The following NF2 variants were observed in gnomAD, a reference collection of about 807,000 sequenced individuals.
The protein encoded by NF2 is merlin.
Under a neutral mutation model 83.7 loss-of-function variants are expected in NF2, and 8 were observed. The ratio of observed to expected loss-of-function variants is 0.10; its 90% confidence interval spans 0.06 to 0.17. The LOEUF (loss-of-function observed/expected upper bound fraction) is 0.17, where lower values mean the gene tolerates loss of function less well. Ranked by LOEUF, NF2 falls within the 10% of genes least tolerant of loss-of-function variation. NF2 has a pLI of 1.00. For synonymous variants in NF2, 266 were observed against 269.6 expected (o/e 0.99, Z 0.13); for missense variants, 533 against 744.4 (o/e 0.72, Z 3.31).
intron 3 of NF2, among the ~76,000 whole-genome samples, chr22:29,641,459 A>G (rs2065808668): frequency 6.6e-6 from 1 of 152,132 alleles, no homozygotes; most frequent in Admixed American, 6.6e-5. Context: ...TGACTGAGCA[A>G]GGCAAAATTT....
rs759780271 is a variant in NF2, at chr22:29,681,535, T to C, written c.1671T>C (p.Ala557=). ...EALKLKERET[A]LDILHNENSD... is the part of the protein sequence containing the mutation. ...TGAAACTGAAAGAGAGGGAGACAGC[T>C]CTGGATATTCTGCACAATGAGAACT... The change falls in exon 15 of 16, where the codon GCT becomes GCC. Residue 557 remains alanine, a synonymous_variant. Coordinates refer to ENST00000338641, the MANE Select transcript of NF2 (RefSeq NM_000268.4). 2.5e-6 allele frequency: 4 copies of C among 1,614,190 alleles called. No individual in the cohort carries two copies. The South Asian group carries it at 3.3e-5, about 13-fold the overall frequency.
intron 15 of NF2, chr22:29,683,144 T>A (rs1235193379): frequency 6.8e-6 from 11 of 1,613,904 alleles, no homozygotes; most frequent in Non-Finnish European, 8.5e-6. Flanking sequence ...CTTGCCTGTC[T>A]CTGTCCTCGG....
At chr22:29,643,444 G>C (rs1025297920) in intron 4 of NF2, among the ~76,000 whole-genome samples, 1 of 152,140 alleles carries the variant, frequency 6.6e-6, no homozygotes, top group Non-Finnish European at 1.5e-5. Context: ...GCGGACTTCC[G>C]CAGCGTTTGT....
At chr22:29,643,909 C>T (rs1214601758) in intron 4 of NF2, among the ~76,000 whole-genome samples, 6 of 149,590 alleles carry the variant, frequency 4.0e-5, no homozygotes, top group South Asian at 4.2e-4. Context: ...GGCGGCTGGC[C>T]GGGCGGGGGG....
chr22:29,652,538 G>A (rs2146956812), intron 4 of NF2, among the ~76,000 whole-genome samples: 1 of 152,220 alleles, frequency 6.6e-6, no homozygotes, highest in East Asian at 1.9e-4. Context: ...TCAACTTCAG[G>A]TGATCTGCCC....
intron 3 of NF2, among the ~76,000 whole-genome samples, chr22:29,639,658 G>A (rs1223531545): frequency 1.3e-5 from 2 of 152,042 alleles, no homozygotes; most frequent in Admixed American, 1.3e-4. Flanking sequence ...GCCGAGGCGG[G>A]CAGATCACAA....
intron 1 of NF2, among the ~76,000 whole-genome samples, chr22:29,604,559 A>G (rs1194217664): frequency 6.6e-6 from 1 of 152,230 alleles, no homozygotes; most frequent in Non-Finnish European, 1.5e-5. Flanking sequence ...TCTCATACTT[A>G]CTTTCCACAT....
chr22:29,663,773 C>T (rs943433844), intron 8 of NF2, among the ~76,000 whole-genome samples: 12 of 152,230 alleles, frequency 7.9e-5, no homozygotes, highest in African/African-American at 2.9e-4. Context: ...ACATATTTAT[C>T]TGCTTAGCAA....
In NF2 at chr22:29,697,240, G is replaced by A. The variant is rs1020598735; in HGVS notation, c.*2438G>A. On this transcript the variant is annotated 3_prime_UTR_variant, in exon 16 of 16. Transcript: ENST00000338641. Reference sequence around the variant, plus strand: ...TATGGTGGTTTATAAAAACGCTGTCGGGCTTTGTTTCCTTCTTTAGCTGCC... The same window carrying A: ...TATGGTGGTTTATAAAAACGCTGTCAGGCTTTGTTTCCTTCTTTAGCTGCC... 2.9e-5 allele frequency: 6 copies of A among 203,416 alleles called. No individual in the cohort carries two copies. The East Asian group carries it at 3.7e-4, about 12-fold the overall frequency. The allele number at this position is 203,416 out of a possible 1,614,324, so 12.6% of individuals were successfully genotyped here.
intron 4 of NF2, among the ~76,000 whole-genome samples, chr22:29,643,436 G>T (rs555343006): frequency 9.9e-5 from 15 of 152,178 alleles, no homozygotes; most frequent in Admixed American, 2.6e-4. Context: ...AGGACCCTGC[G>T]GACTTCCGCA....
chr22:29,683,535 G>A (rs2067201483), intron 15 of NF2: 1 of 1,117,646 alleles, frequency 8.9e-7, no homozygotes, highest in Admixed American at 4.4e-5. Flanking sequence ...TTCTGGTAGT[G>A]GGGCAAAAGG....
intron 15 of NF2, chr22:29,684,012 T>C (rs989389961): frequency 1.3e-6 from 1 of 770,424 alleles, no homozygotes; most frequent in Non-Finnish European, 1.6e-6. Context: ...CTGCAGTTTC[T>C]GCTCATAGAG....
intron 4 of NF2, 96 bp from the exon 5 acceptor site, chr22:29,654,561 C>T: frequency 9.7e-7 from 1 of 1,026,824 alleles, no homozygotes. Context: ...GAATTGCTCC[C>T]TGGAGCTGGG....
chr22:29,640,734 C>A (rs948708905), intron 3 of NF2, among the ~76,000 whole-genome samples: 4 of 151,208 alleles, frequency 2.6e-5, no homozygotes, highest in Admixed American at 6.6e-5. Flanking sequence ...TATAATAAAA[C>A]CCCCTAAATT....
At chr22:29,684,391 T>C (rs1408216375) in intron 15 of NF2, among the ~76,000 whole-genome samples, 1 of 152,080 alleles carries the variant, frequency 6.6e-6, no homozygotes, top group Non-Finnish European at 1.5e-5. Flanking sequence ...TTTGTAACCA[T>C]GGGGGCAAGC....
At position 29,629,523 on chromosome 22, in the gene NF2, G is replaced by A. The variant is rs989924213; in HGVS notation, c.115-7228G>A. Among the ~76,000 whole-genome samples, 7 of 152,334 alleles carry A rather than the reference G, an allele frequency of 4.6e-5. No homozygotes were observed. The South Asian group carries it at 1.2e-3, about 27-fold the overall frequency. ...AGGCCAGCTATGGCTGCAGAAGTCA[G>A]TTATAGATAAACATTGAGAGGGGAG... On this transcript the variant is annotated intron_variant, in intron 1 of 15. Coordinates refer to ENST00000338641, the MANE Select transcript of NF2 (RefSeq NM_000268.4).
chr22:29,696,947 G>A lies in NF2; in HGVS notation c.*2145G>A. On this transcript the variant is annotated 3_prime_UTR_variant, in exon 16 of 16. Coordinates refer to ENST00000338641, the MANE Select transcript of NF2 (RefSeq NM_000268.4). ...TTCTCCTGCCTCAGCCTCCCGAGTA[G>A]CTGGGACTACAGGCGTGTGCCACCA... The A allele has an allele frequency of 5.5e-6, 1 of 182,506 alleles. No individual in the cohort carries two copies. The highest frequency in any genetic ancestry group is 1.2e-5 in the Non-Finnish European group (1 of 85,754). 11.3% of individuals were successfully genotyped at this position (182,506 alleles called of 1,614,324 possible). A position where few individuals can be genotyped will look rare whatever the true frequency, so the allele number is the denominator to read the frequency against.
In NF2 at chr22:29,696,465, T is replaced by G. The variant is rs1237285559; in HGVS notation, c.*1663T>G. The G allele has an allele frequency of 4.5e-6, 1 of 221,044 alleles. No homozygotes were observed. The highest frequency in any genetic ancestry group is 6.5e-5 in the East Asian group (1 of 15,366). 13.7% of individuals were successfully genotyped at this position (221,044 alleles called of 1,614,324 possible). On this transcript the variant is annotated 3_prime_UTR_variant, in exon 16 of 16. Coordinates refer to ENST00000338641, the MANE Select transcript of NF2 (RefSeq NM_000268.4). ...TTAATCAGATAAAAGATAGAGGCTA[T>G]GGGGGCCTCAAGATTTTTGGAGAGC...
intron 8 of NF2, among the ~76,000 whole-genome samples, chr22:29,662,174 G>A (rs1208572111): frequency 6.6e-6 from 1 of 151,818 alleles, no homozygotes; most frequent in Non-Finnish European, 1.5e-5. Context: ...TTCTGTCACC[G>A]AGGCTGGAAT....
Sources: gnomAD v4.1 joint callset for allele counts (sites outside exome capture counted in the v4.1 genomes callset) on GRCh38, gnomAD v4.1.1 for gene constraint, MANE v1.5 for transcripts, NCBI Gene and HGNC (gene_info 2026-07-23, HGNC 2026-07-21) for gene names.